Variants in ODR4 observed in about 807,000 individuals in gnomAD.
The protein encoded by ODR4 is odr-4 GPCR localization factor homolog.
ODR4 carries 47 observed loss-of-function variants against 60.2 expected under a neutral mutation model. The ratio of observed to expected loss-of-function variants is 0.78; its 90% CI spans 0.62 to 1.00. The LOEUF (loss-of-function observed/expected upper bound fraction) is 1.00, where lower values mean the gene tolerates loss of function less well. ODR4 is among the 50% of genes least tolerant of loss of function. ODR4 has a pLI of 0.00. For synonymous variants in ODR4, 178 were observed against 175.5 expected, an observed-to-expected ratio of 1.01 and a Z score of -0.11; for missense variants, 488 against 530.8, an observed-to-expected ratio of 0.92 and a Z score of 0.79.
intron 5 of ODR4, among the ~76,000 whole-genome samples, chr1:186,389,196 A>G (rs917612578): frequency 6.6e-6 from 1 of 152,014 alleles, no homozygotes; most frequent in Non-Finnish European, 1.5e-5. Context: ...TTAACTGCAA[A>G]GTTTCATATA....
chr1:186,416,307 A>C (rs940824777), intron 12 of ODR4, among the ~76,000 whole-genome samples: 5 of 151,980 alleles, frequency 3.3e-5, no homozygotes, highest in Admixed American at 6.6e-5. Context: ...AGGCCGAGAC[A>C]GGCAGATCAC....
chr1:186,400,126 G>A (rs1660874787), intron 11 of ODR4, among the ~76,000 whole-genome samples: 2 of 149,602 alleles, frequency 1.3e-5, no homozygotes, highest in Non-Finnish European at 3.0e-5. Context: ...TGTGTAGCTG[G>A]GACTACAGGC....
chr1:186,417,545 T>G lies in ODR4; in HGVS notation c.1188T>G (p.Ala396=). The G allele has an allele frequency of 6.5e-7, 1 of 1,537,322 alleles. No homozygotes were observed. The highest frequency in any genetic ancestry group is 8.9e-7 in the Non-Finnish European group (1 of 1,121,250). ...DLEIAEETNT[A]CMSSSMNSQA... ...TTTATTATTATTATACCCTTTCAGC[T>G]TGTATGAGTTCTTCTATGAATAGTC... Residue 396 remains alanine (A), a splice_region_variant and synonymous_variant, in exon 13 of 14, where the codon GCT becomes GCG. Coordinates refer to ENST00000287859, the MANE Select transcript of ODR4 (RefSeq NM_017847.6).
intron 11 of ODR4, among the ~76,000 whole-genome samples, chr1:186,403,878 C>G (rs1464409629): frequency 6.6e-6 from 1 of 152,154 alleles, no homozygotes; most frequent in Non-Finnish European, 1.5e-5. Flanking sequence ...TCAGTATCCT[C>G]TGTACCACTC....
At chr1:186,398,076 A>T (rs1455110582) in intron 9 of ODR4, among the ~76,000 whole-genome samples, 2 of 152,204 alleles carry the variant, frequency 1.3e-5, no homozygotes, top group African/African-American at 4.8e-5. Context: ...GTTATGTTAG[A>T]AAAATTTAGA....
At chr1:186,408,150 A>G (rs1417786991) in intron 12 of ODR4, among the ~76,000 whole-genome samples, 2 of 152,120 alleles carry the variant, frequency 1.3e-5, no homozygotes, top group Non-Finnish European at 2.9e-5. Context: ...TATTTTCCAG[A>G]TGAGAGAATT....
rs756449569 is a variant in ODR4 at position 186,388,505 on chromosome 1, G to T, written c.394G>T (p.Val132Phe). Residue 132 changes from valine to phenylalanine, a missense_variant, in exon 5 of 14, where the codon GTC becomes TTC. Physicochemically the swap from Val to Phe is conservative, Grantham distance 50. Transcript: ENST00000287859. The part of the protein sequence containing the change: ...KRLWNFTEEE[V>F]SERVTLHICA... ...ATTGTGGAATTTCACAGAGGAGGAA[G>T]TCTCAGAACGAGTGACACTTCACAT... The T allele has an allele frequency of 6.4e-7, 1 of 1,569,480 alleles. No homozygotes were observed. The highest frequency in any genetic ancestry group is 1.9e-5 in the Admixed American group (1 of 53,130).
At chr1:186,382,971 G>T in intron 2 of ODR4, 51 bp from the exon 3 acceptor site, 1 of 1,535,496 alleles carries the variant, frequency 6.5e-7, no homozygotes, top group Non-Finnish European at 8.8e-7. Context: ...ACTCTAATTA[G>T]ATTGAGGAAT....
chr1:186,394,210 A>G (rs1382510185), intron 9 of ODR4, among the ~76,000 whole-genome samples, 195 bp downstream of exon 9: 1 of 152,160 alleles, frequency 6.6e-6, no homozygotes, highest in Non-Finnish European at 1.5e-5. Flanking sequence ...TGCCTCAAGG[A>G]TATTAAAATT....
Position 186,385,598 on chromosome 1 carries a change from A to G in ODR4, c.235-390A>G, listed in dbSNP as rs113144210. Among the ~76,000 whole-genome samples the G allele has an allele frequency of 7.0e-4, 106 of 152,120 alleles. 2 individuals are homozygous for G. Among genetic ancestry groups the G allele is most frequent in the African/African-American group, 2.4e-3 (99 of 41,494 alleles). ...AAGACACATAGTTAGAAAGCCTAGG[A>G]TGTGTATGGAAAACAGTTTATAGCC... On this transcript the variant is annotated intron_variant, in intron 3 of 13. Coordinates refer to ENST00000287859, the MANE Select transcript of ODR4 (RefSeq NM_017847.6).
chr1:186,378,623 A>C (rs975692523), intron 1 of ODR4, among the ~76,000 whole-genome samples: 5 of 152,222 alleles, frequency 3.3e-5, no homozygotes, highest in African/African-American at 1.2e-4. Context: ...ACGATTCCTC[A>C]TTATGAGCGT....
the ODR4 span, among the ~76,000 whole-genome samples, chr1:186,434,205 T>C: frequency 7.2e-5 from 11 of 152,108 alleles, no homozygotes; most frequent in African/African-American, 2.7e-4. Flanking sequence ...TCTTTAAATG[T>C]ATTTGTCTGA....
At chr1:186,380,025 G>A (rs1659965291) in intron 2 of ODR4, 141 bp downstream of exon 2, 1 of 538,014 alleles carries the variant, frequency 1.9e-6, no homozygotes, top group Non-Finnish European at 3.0e-6. Context: ...TGTGGAAGAA[G>A]TAACTTTAAA....
chr1:186,391,842 T>G, intron 8 of ODR4, 51 bp downstream of exon 8: 1 of 1,117,090 alleles, frequency 9.0e-7, no homozygotes, highest in Non-Finnish European at 1.3e-6. Context: ...TAAGGAAAAA[T>G]AAAACATGAC....
chr1:186,405,168 T>TA (rs1182566205), intron 11 of ODR4, among the ~76,000 whole-genome samples: 1 of 151,782 alleles, frequency 6.6e-6, no homozygotes, highest in South Asian at 2.1e-4. Flanking sequence ...AAAGGGAAGG[T>TA]AAAAAAAGAA....
At chr1:186,408,370 A>T (rs1302205923) in intron 12 of ODR4, among the ~76,000 whole-genome samples, 2 of 151,992 alleles carry the variant, frequency 1.3e-5, no homozygotes, top group African/African-American at 4.8e-5. Flanking sequence ...TCTTCATTCC[A>T]TCCCTTTAAA....
In ODR4 at chr1:186,383,152, G is replaced by C; in HGVS notation, c.230G>C (p.Cys77Ser). The C allele has an allele frequency of 2.6e-6, 4 of 1,543,210 alleles. No homozygotes were observed. The highest frequency in any genetic ancestry group is 3.5e-6 in the Non-Finnish European group (4 of 1,145,146). The stretch of plus-strand genomic sequence containing the variant: ...GAAGAATGGGCCACAGAACATGCCT[G>C]CCAGGTTATCTTATTTTTTTGTTTA... The part of the protein sequence containing the change: ...LDEEWATEHA[C>S]QVSRMLPGGL... Residue 77 changes from cysteine to serine, a missense_variant, in exon 3 of 14, where the codon TGC becomes TCC. Coordinates refer to ENST00000287859, the MANE Select transcript of ODR4 (RefSeq NM_017847.6).
chr1:186,394,079 T>C (rs12728791), intron 9 of ODR4, 64 bp downstream of exon 9: 106,883 of 976,168 alleles, frequency 0.11, 8,132 homozygotes, highest in East Asian at 0.41. Flanking sequence ...CTGTTTCTGT[T>C]TTTATTTTTC....
downstream of ODR4, among the ~76,000 whole-genome samples, chr1:186,424,112 C>T (rs1456973018): frequency 6.6e-6 from 1 of 152,136 alleles, no homozygotes; most frequent in African/African-American, 2.4e-5. Context: ...CTCAAGAGTA[C>T]ACATGTGAGA....
Sources: gnomAD v4.1 joint callset for allele counts (sites outside exome capture counted in the v4.1 genomes callset) on GRCh38, gnomAD v4.1.1 for gene constraint, MANE v1.5 for transcripts, NCBI Gene and HGNC (gene_info 2026-07-23, HGNC 2026-07-21) for gene names.